The following C1QTNF6 variants were observed in gnomAD, a reference collection of about 807,000 sequenced individuals.
C1QTNF6 encodes C1q and TNF related 6, also known as complement C1q tumor necrosis factor-related protein 6.
A neutral mutation model predicts 20.7 loss-of-function variants in C1QTNF6; 17 were observed. That is an observed-to-expected ratio of 0.82 (90% CI 0.56 to 1.23). The LOEUF (loss-of-function observed/expected upper bound fraction) is 1.23. Among genes scored for constraint, C1QTNF6 ranks in the 50% most tolerant of loss-of-function variants. The pLI is 0.00. For missense variants in C1QTNF6, 329 were observed against 389.7 expected (o/e 0.84, Z 1.31); for synonymous variants, 130 against 156.3 (o/e 0.83, Z 1.25).
chr22:37,184,293 G>A lies in C1QTNF6; in HGVS notation c.289+925C>T. 2 of 710,756 alleles carry A rather than the reference G, an allele frequency of 2.8e-6. No individual in the cohort carries two copies. The highest frequency in any genetic ancestry group is 1.5e-5 in the South Asian group (1 of 67,064). 44.0% of individuals were successfully genotyped at this position (710,756 alleles called of 1,614,324 possible). On this transcript the variant is annotated intron_variant, in intron 2 of 2. Transcript: ENST00000337843. The surrounding 1 kb of genome is among the most constrained non-coding windows in gnomAD (Gnocchi z 4.0). ...GACAGCTGTGTGGCCCCAGGAGACT[G>A]GGTTTCCCCATCTGCAAAGTGGGAG...
At position 37,180,316 on chromosome 22, in the gene C1QTNF6, T is replaced by TC. The variant is rs11425121; in HGVS notation, c.*1871dup. 152,884 of 152,884 alleles carry TC rather than the reference T, an allele frequency of 1. 76,442 individuals are homozygous for TC. Among genetic ancestry groups the TC allele is most frequent in the Non-Finnish European group, 1 (68,120 of 68,120 alleles). The allele number at this position is 152,884 out of a possible 1,614,324, so 9.5% of individuals were successfully genotyped here. On this transcript the variant is annotated 3_prime_UTR_variant, in exon 3 of 3. Transcript: ENST00000337843. The stretch of plus-strand genomic sequence containing the variant: ...CGTCATCTGGCCATGGAGCCACGGC[T>TC]CCTCGGCTGTGAGCACCAGAGATCA...
upstream of C1QTNF6, chr22:37,188,283 A>AGGAGGGAGAGAGGGGGGGAT: frequency 8.7e-7 from 1 of 1,153,058 alleles, no homozygotes; most frequent in Non-Finnish European, 1.2e-6. Context: ...GGCCCAGCAG[A>AGGAGGGAGAGAGGGGGGGAT]GGAGGGAGAG....
chr22:37,191,293 T>A (rs1248651410), upstream of C1QTNF6, among the ~76,000 whole-genome samples: 1 of 152,192 alleles, frequency 6.6e-6, no homozygotes, highest in Non-Finnish European at 1.5e-5. Context: ...TTATTGATAA[T>A]GTCCATTAGT....
Position 37,188,240 on chromosome 22 carries a change from G to T in C1QTNF6, c.-27C>A, listed in dbSNP as rs1172793742. The T allele has an allele frequency of 1.3e-6, 2 of 1,579,764 alleles. No homozygotes were observed. The highest frequency in any genetic ancestry group is 2.3e-5 in the South Asian group (2 of 88,730). On this transcript the variant is annotated 5_prime_UTR_variant, in exon 1 of 3. Coordinates refer to ENST00000337843, the MANE Select transcript of C1QTNF6 (RefSeq NM_031910.4). The stretch of plus-strand genomic sequence containing the variant: ...GCCTCTGGCTCCTTGGCCCATGTCT[G>T]CAATACTAACTTGTTGCTGGCCCAG...
At chr22:37,182,898 G>A (rs1300601228) in intron 2 of C1QTNF6, 163 bp from the exon 3 acceptor site, 6 of 1,435,282 alleles carry the variant, frequency 4.2e-6, no homozygotes, top group Non-Finnish European at 5.5e-6. Context: ...CCACATGCCT[G>A]CCTAAAGAAA....
At chr22:37,188,771 C>T (rs1245158270), upstream of C1QTNF6, among the ~76,000 whole-genome samples, 1 of 152,244 alleles carries the variant, frequency 6.6e-6, no homozygotes, top group Non-Finnish European at 1.5e-5. Context: ...GTGCCAGGCA[C>T]ATGGGAGGGC....
chr22:37,185,314 G>T lies in C1QTNF6; in HGVS notation c.193C>A (p.Pro65Thr). 3.7e-6 allele frequency: 6 copies of T among 1,613,506 alleles called. No homozygotes were observed. Among genetic ancestry groups the T allele is most frequent in the Non-Finnish European group, 5.1e-6 (6 of 1,179,758 alleles). ...GCQRCCDSED[P>T]LDPAHVSSAS... ...GAGGATACATGGGCAGGATCCAGGG[G>T]GTCCTCAGAGTCACAGCACCGTTGG... Residue 65 changes from proline (P) to threonine (T), a missense_variant, in exon 2 of 3, where the codon CCC becomes ACC. By Grantham distance (38) the Pro-to-Thr change is conservative. Transcript: ENST00000337843.
In C1QTNF6 at chr22:37,184,041, G is replaced by T. The variant is rs1462705462; in HGVS notation, c.289+1177C>A. 6.6e-6 allele frequency among the ~76,000 whole-genome samples: 1 copy of T among 152,074 alleles called. No individual in the cohort carries two copies. Among genetic ancestry groups the T allele is most frequent in the African/African-American group, 2.4e-5 (1 of 41,414 alleles). ...GCTGGGCCCAGGAGCAGTGACCCTGGGTTTGGGGAGGGCAATGAGGAGGGA... is the reference window on the plus strand; with the variant it reads ...GCTGGGCCCAGGAGCAGTGACCCTGTGTTTGGGGAGGGCAATGAGGAGGGA... On this transcript the variant is annotated intron_variant, in intron 2 of 2. Coordinates refer to ENST00000337843, the MANE Select transcript of C1QTNF6 (RefSeq NM_031910.4). The surrounding 1 kb of genome is among the most constrained non-coding windows in gnomAD (Gnocchi z 4.0).
At position 37,188,223 on chromosome 22, in the gene C1QTNF6, C is replaced by T. The variant is rs1185481345; in HGVS notation, c.-10G>A. 6.2e-7 allele frequency: 1 copy of T among 1,602,724 alleles called. No homozygotes were observed. Among genetic ancestry groups the T allele is most frequent in the Non-Finnish European group, 8.5e-7 (1 of 1,174,340 alleles). On this transcript the variant is annotated 5_prime_UTR_variant, in exon 1 of 3. Coordinates refer to ENST00000337843, the MANE Select transcript of C1QTNF6 (RefSeq NM_031910.4). ...CCCTGAGCCACTGCATGGCCTCTGGCTCCTTGGCCCATGTCTGCAATACTA... is the reference window on the plus strand; with the variant it reads ...CCCTGAGCCACTGCATGGCCTCTGGTTCCTTGGCCCATGTCTGCAATACTA...
chr22:37,196,136 C>T (rs1925120451), intron 1 of C1QTNF6: 1 of 152,398 alleles, frequency 6.6e-6, no homozygotes, highest in African/African-American at 2.4e-5. Context: ...CCAAGTCGCT[C>T]CTCTATGCTC....
chr22:37,198,675 G>T (rs1432517489), upstream of C1QTNF6, among the ~76,000 whole-genome samples: 2 of 152,026 alleles, frequency 1.3e-5, no homozygotes, highest in Non-Finnish European at 1.5e-5. Context: ...AACCCGGGAC[G>T]CTCCCCGCTC....
rs1292562462 is a variant in C1QTNF6 at position 37,182,218 on chromosome 22, GC to G, written c.806del (p.Ser269ThrfsTer84). 3 of 1,613,250 alleles carry G rather than the reference GC, an allele frequency of 1.9e-6. No individual in the cohort carries two copies. The highest frequency in any genetic ancestry group is 2.5e-6 in the Non-Finnish European group (3 of 1,179,516). On this transcript the variant is annotated frameshift_variant, in exon 3 of 3. Transcript: ENST00000337843. LOFTEE classifies it high-confidence loss of function. ...SNDFDTYITFSGHLIKAEDD is the reference protein window; with the variant it reads ...SNDFDTYITFXGHLIKAEDD ...CGTCCTCGGCCTTGATGAGGTGGCC[GC>G]TGAAGGTGATGTAGGTGTCGAAGTC... is the stretch of plus-strand genomic sequence containing the variant.
chr22:37,183,392 G>A (rs780759181), intron 2 of C1QTNF6, among the ~76,000 whole-genome samples: 2 of 152,256 alleles, frequency 1.3e-5, no homozygotes, highest in East Asian at 1.9e-4. Context: ...CTAAGAGGCA[G>A]AACAGTTCAC....
intron 2 of C1QTNF6, 61 bp downstream of exon 2, chr22:37,185,157 C>A (rs899434481): frequency 6.0e-6 from 9 of 1,497,732 alleles, no homozygotes; most frequent in South Asian, 1.4e-5. Flanking sequence ...CCCTCTACTC[C>A]CTCCACCTCA....
intron 2 of C1QTNF6, 93 bp from the exon 3 acceptor site, chr22:37,182,828 C>G (rs897422671): frequency 6.8e-7 from 1 of 1,461,088 alleles, no homozygotes; most frequent in Non-Finnish European, 9.0e-7. Flanking sequence ...TGCCCCTGTC[C>G]TGGCCCAGAG....
chr22:37,195,915 G>A (rs987130921), intron 1 of C1QTNF6: 5 of 152,240 alleles, frequency 3.3e-5, no homozygotes, highest in East Asian at 1.9e-4. Context: ...TGTTTTGGCC[G>A]GCTTGTTTAG....
Position 37,184,306 on chromosome 22 carries a change from T to C in C1QTNF6, c.289+912A>G, listed in dbSNP as rs1324472584. 1 of 713,340 alleles carries C rather than the reference T, an allele frequency of 1.4e-6. No homozygotes were observed. The highest frequency in any genetic ancestry group is 2.6e-6 in the Non-Finnish European group (1 of 382,172). The allele number at this position is 713,340 out of a possible 1,614,324, so 44.2% of individuals were successfully genotyped here. A position where few individuals can be genotyped will look rare whatever the true frequency, so the allele number is the denominator to read the frequency against. ...CCCCAGGAGACTGGGTTTCCCCATC[T>C]GCAAAGTGGGAGGAATAAGAAAATA... is the stretch of plus-strand genomic sequence containing the variant. On this transcript the variant is annotated intron_variant, in intron 2 of 2. Transcript: ENST00000337843. This position sits in a 1 kb window ranked among gnomAD's most constrained non-coding sequence, Gnocchi z 4.0.
At chr22:37,196,497 G>A (rs1206382244) in intron 1 of C1QTNF6, 1 of 152,232 alleles carries the variant, frequency 6.6e-6, no homozygotes, top group African/African-American at 2.4e-5. Flanking sequence ...GCCTGGGCCA[G>A]GTCTCATCTC....
At position 37,180,654 on chromosome 22, in the gene C1QTNF6, G is replaced by C. The variant is rs1028016275; in HGVS notation, c.*1534C>G. The C allele has an allele frequency of 1.3e-5, 2 of 152,722 alleles. No homozygotes were observed. Among genetic ancestry groups the C allele is most frequent in the Admixed American group, 6.5e-5 (1 of 15,290 alleles). 9.5% of individuals were successfully genotyped at this position (152,722 alleles called of 1,614,324 possible). A position where few individuals can be genotyped will look rare whatever the true frequency, so the allele number is the denominator to read the frequency against. On this transcript the variant is annotated 3_prime_UTR_variant, in exon 3 of 3. Coordinates refer to ENST00000337843, the MANE Select transcript of C1QTNF6 (RefSeq NM_031910.4). ...CCTTAGCACCTTGATAAAGCCTGGAGAGTCGGGGCACTGGGCCGGTGAGAG... is the reference window on the plus strand; with the variant it reads ...CCTTAGCACCTTGATAAAGCCTGGACAGTCGGGGCACTGGGCCGGTGAGAG...
Sources: allele counts gnomAD v4.1 joint callset (sites outside exome capture counted in the v4.1 genomes callset), GRCh38; gene constraint gnomAD v4.1.1; non-coding constraint Gnocchi (gnomAD v3.1); transcripts MANE v1.5; gene names NCBI Gene and HGNC (gene_info 2026-07-23, HGNC 2026-07-21).